Variants in GABRG3 observed in about 807,000 individuals in gnomAD.
GABRG3 encodes the protein gamma-aminobutyric acid type A receptor subunit gamma3.
Under a neutral mutation model 48.8 loss-of-function variants are expected in GABRG3, and 25 were observed. The observed-to-expected ratio is 0.51, with a 90% CI of 0.37 to 0.72. The LOEUF (loss-of-function observed/expected upper bound fraction) is 0.72, where lower values mean the gene tolerates loss of function less well. Ranked by LOEUF, GABRG3 falls within the 30% of genes least tolerant of loss-of-function variation. GABRG3 has a pLI of 0.00. For synonymous variants in GABRG3, 227 were observed against 217.6 expected, an observed-to-expected ratio of 1.04 and a Z score of -0.38; for missense variants, 394 against 577.9, an observed-to-expected ratio of 0.68 and a Z score of 3.26.
intron 3 of GABRG3, among the ~76,000 whole-genome samples, chr15:27,086,966 C>A (rs1213112066): frequency 6.6e-6 from 1 of 152,190 alleles, no homozygotes; most frequent in Non-Finnish European, 1.5e-5. Flanking sequence ...GCCCAGACTT[C>A]CGTTTCCAGA....
chr15:27,332,311 C>T (rs953061062), intron 5 of GABRG3, among the ~76,000 whole-genome samples: 2 of 152,260 alleles, frequency 1.3e-5, no homozygotes, highest in South Asian at 2.1e-4. Context: ...GCCAGGAGTT[C>T]GAGACCAGCC....
chr15:27,415,196 C>T (rs1175202738), intron 5 of GABRG3, among the ~76,000 whole-genome samples: 2 of 151,984 alleles, frequency 1.3e-5, no homozygotes, highest in Non-Finnish European at 2.9e-5. Context: ...ATAGTTGTCC[C>T]ATAGTTCTTG....
intron 5 of GABRG3, among the ~76,000 whole-genome samples, chr15:27,446,301 G>A (rs1566844277): frequency 6.6e-6 from 1 of 151,966 alleles, no homozygotes; most frequent in Non-Finnish European, 1.5e-5. Context: ...ATTTATTTAG[G>A]TCTTTAATTT....
chr15:27,187,445 A>G (rs1348580913), intron 3 of GABRG3, among the ~76,000 whole-genome samples: 2 of 152,118 alleles, frequency 1.3e-5, no homozygotes, highest in African/African-American at 4.8e-5. Context: ...TGTGAAGAAA[A>G]TGGCATTGGT....
intron 3 of GABRG3, among the ~76,000 whole-genome samples, chr15:27,060,851 C>G (rs1022034938): frequency 6.6e-6 from 1 of 152,216 alleles, no homozygotes; most frequent in Admixed American, 6.5e-5. Flanking sequence ...CTCTCTTCAG[C>G]TCTCATGTCT....
rs562750760 is a variant in GABRG3 at position 27,382,526 on chromosome 15, G to T, written c.574+53638G>T. Among the ~76,000 whole-genome samples, 38 of 152,290 alleles carry T rather than the reference G, an allele frequency of 2.5e-4. No individual in the cohort carries two copies. The South Asian group carries it at 7.0e-3, about 28-fold the overall frequency. On this transcript the variant is annotated intron_variant, in intron 5 of 9. Transcript: ENST00000615808. ...ATGGCTTTCACTCGGAGTGAAAATG[G>T]GAGCCACTGGAGAGCTTTGAACACA...
chr15:27,123,344 C>A (rs895259303), intron 3 of GABRG3, among the ~76,000 whole-genome samples: 5 of 152,014 alleles, frequency 3.3e-5, no homozygotes, highest in Non-Finnish European at 7.4e-5. Flanking sequence ...GGAAGTGGGG[C>A]CTTTGGGAGG....
At chr15:27,181,538 C>G (rs1189952159) in intron 3 of GABRG3, among the ~76,000 whole-genome samples, 5 of 152,182 alleles carry the variant, frequency 3.3e-5, no homozygotes, top group Admixed American at 3.3e-4. Context: ...AGATTTCTGT[C>G]TGAATGAATT....
chr15:27,110,304 T>C (rs1897524312), intron 3 of GABRG3, among the ~76,000 whole-genome samples: 2 of 152,210 alleles, frequency 1.3e-5, no homozygotes, highest in South Asian at 4.1e-4. Flanking sequence ...AGTGTATTCC[T>C]TATTTCTCCT....
intron 6 of GABRG3, among the ~76,000 whole-genome samples, chr15:27,486,915 A>G (rs904756379): frequency 6.6e-6 from 1 of 152,204 alleles, no homozygotes; most frequent in Non-Finnish European, 1.5e-5. Context: ...CTCCAACAGG[A>G]TGCTATAGTG....
At chr15:27,062,460 T>TAAAAAAAAAAAAAAAAAAAAAAA (rs1896666092) in intron 3 of GABRG3, among the ~76,000 whole-genome samples, 2 of 47,184 alleles carry the variant, frequency 4.2e-5, no homozygotes, top group Non-Finnish European at 6.5e-5. Flanking sequence ...AAAAAAAAAT[T>TAAAAAAAAAAAAAAAAAAAAAAA]AGCCTTGCAT....
At chr15:27,089,199 C>T (rs1485269750) in intron 3 of GABRG3, among the ~76,000 whole-genome samples, 1 of 152,106 alleles carries the variant, frequency 6.6e-6, no homozygotes, top group Non-Finnish European at 1.5e-5. Flanking sequence ...CAGGAGGAGC[C>T]GCAGGGAAGG....
chr15:26,980,349 G>T (rs1895029809), intron 2 of GABRG3, among the ~76,000 whole-genome samples: 1 of 151,690 alleles, frequency 6.6e-6, no homozygotes, highest in Non-Finnish European at 1.5e-5. Context: ...TCTTGCTTTG[G>T]GTTTATTTTG....
intron 3 of GABRG3, among the ~76,000 whole-genome samples, chr15:27,062,353 T>A (rs1019389637): frequency 6.7e-6 from 1 of 150,114 alleles, no homozygotes; most frequent in Non-Finnish European, 1.5e-5. Flanking sequence ...TCCCAGCACT[T>A]CAGGAGGCCG....
chr15:27,498,828 C>T (rs1462390602), intron 6 of GABRG3, among the ~76,000 whole-genome samples: 1 of 152,116 alleles, frequency 6.6e-6, no homozygotes, highest in East Asian at 1.9e-4. Flanking sequence ...ATCTTTGACT[C>T]CAACTTCCTG....
chr15:27,271,592 A>G (rs1294784538), intron 3 of GABRG3: 3 of 388,188 alleles, frequency 7.7e-6, no homozygotes, highest in African/African-American at 8.1e-5. Context: ...TATGCAACCT[A>G]GAGTCAGTCA....
At chr15:27,131,247 G>A (rs1897911212) in intron 3 of GABRG3, among the ~76,000 whole-genome samples, 1 of 152,012 alleles carries the variant, frequency 6.6e-6, no homozygotes, top group African/African-American at 2.4e-5. Flanking sequence ...TTCACAAAAG[G>A]GCGTTGAAGT....
rs903521935 is a variant in GABRG3 at position 26,990,392 on chromosome 15, A to G, written c.202+13242A>G. Reference sequence around the variant, plus strand: ...TATCAGTGATGTTGAGCATCTTCTCATATGCCTGTTTGCCATTTGTATATC... The same window carrying G: ...TATCAGTGATGTTGAGCATCTTCTCGTATGCCTGTTTGCCATTTGTATATC... On this transcript the variant is annotated intron_variant, in intron 2 of 9. Coordinates refer to ENST00000615808, the MANE Select transcript of GABRG3 (RefSeq NM_033223.5). Among the ~76,000 whole-genome samples, 5 of 152,350 alleles carry G rather than the reference A, an allele frequency of 3.3e-5. No homozygotes were observed. The East Asian group carries it at 5.8e-4, about 18-fold the overall frequency.
chr15:27,402,559 A>G (rs1887505305), intron 5 of GABRG3, among the ~76,000 whole-genome samples: 1 of 152,246 alleles, frequency 6.6e-6, no homozygotes, highest in Non-Finnish European at 1.5e-5. Flanking sequence ...GGGAGTAAGG[A>G]TAAACTAGAG....
Sources: gnomAD v4.1 joint callset for allele counts (sites outside exome capture counted in the v4.1 genomes callset) on GRCh38, gnomAD v4.1.1 for gene constraint, MANE v1.5 for transcripts, NCBI Gene and HGNC (gene_info 2026-07-23, HGNC 2026-07-21) for gene names.